PCDH15: variants seen among roughly 807,000 people sequenced by gnomAD.
The protein encoded by PCDH15 is protocadherin related 15.
A neutral mutation model predicts 178.5 loss-of-function variants in PCDH15; 129 were observed. That is an observed-to-expected ratio of 0.72 (90% CI 0.63 to 0.84). The LOEUF (loss-of-function observed/expected upper bound fraction) is 0.84, where lower values mean the gene tolerates loss of function less well. PCDH15 is among the 40% of genes least tolerant of loss of function. The pLI is 0.00. For synonymous variants in PCDH15, 800 were observed against 732.0 expected, an observed-to-expected ratio of 1.09 and a Z score of -1.50; for missense variants, 2,230 against 2,099.9, an observed-to-expected ratio of 1.06 and a Z score of -1.21.
intron 3 of PCDH15, 47 bp downstream of exon 3, chr10:54,527,765 G>A (rs1565510606): frequency 6.7e-7 from 1 of 1,487,574 alleles, no homozygotes. Flanking sequence ...AAAATCTGAA[G>A]AAAACCCTCT....
chr10:54,501,966 C>G (rs889612245), intron 3 of PCDH15, among the ~76,000 whole-genome samples: 1 of 151,842 alleles, frequency 6.6e-6, no homozygotes, highest in Non-Finnish European at 1.5e-5. Flanking sequence ...TGCTAGATTG[C>G]TCTTCTTAAT....
intron 1 of PCDH15, among the ~76,000 whole-genome samples, chr10:55,254,230 C>A (rs576235268): frequency 6.6e-6 from 1 of 152,074 alleles, no homozygotes; most frequent in South Asian, 2.1e-4. Context: ...CTTCCAATAC[C>A]AAGAAATTAT....
At chr10:54,920,870 G>C (rs1053930791) in intron 2 of PCDH15, among the ~76,000 whole-genome samples, 1 of 152,144 alleles carries the variant, frequency 6.6e-6, no homozygotes, top group Non-Finnish European at 1.5e-5. Context: ...TCTTGGCTTT[G>C]TAAATGTAAT....
intron 2 of PCDH15, among the ~76,000 whole-genome samples, chr10:55,037,217 T>C (rs991116737): frequency 1.3e-5 from 2 of 152,154 alleles, no homozygotes; most frequent in Admixed American, 1.3e-4. Flanking sequence ...TGTGGGTCAA[T>C]TGTTAATGAC....
intron 2 of PCDH15, among the ~76,000 whole-genome samples, chr10:55,025,794 T>C (rs1840462006): frequency 6.6e-6 from 1 of 152,062 alleles, no homozygotes; most frequent in South Asian, 2.1e-4. Flanking sequence ...ATGATGGTTT[T>C]GATATTTAGT....
intron 2 of PCDH15, among the ~76,000 whole-genome samples, chr10:54,912,298 A>T (rs1010549785): frequency 2.0e-5 from 3 of 151,904 alleles, no homozygotes; most frequent in Non-Finnish European, 1.5e-5. Context: ...TTCCTACCCA[A>T]ATCTCATGTT....
Position 54,519,317 on chromosome 10 carries a change from T to C in PCDH15, c.157+8495A>G, listed in dbSNP as rs1316880280. Among the ~76,000 whole-genome samples, 13 of 152,156 alleles carry C rather than the reference T, an allele frequency of 8.5e-5. No individual in the cohort carries two copies. In the East Asian group the frequency reaches 1.9e-3, roughly 23 times the overall value. Reference sequence around the variant, plus strand: ...TGATTGTATATTTAGAAAACCCCATTGTCTCAGCCCAAAATCTCCTTAAGC... The same window carrying C: ...TGATTGTATATTTAGAAAACCCCATCGTCTCAGCCCAAAATCTCCTTAAGC... On this transcript the variant is annotated intron_variant, in intron 3 of 37. Transcript: ENST00000644397.
chr10:54,664,115 C>T lies in PCDH15; in HGVS notation c.91+57G>A, dbSNP rs879731242. On this transcript the variant is annotated intron_variant, in intron 2 of 37. Coordinates refer to ENST00000644397, the MANE Select transcript of PCDH15 (RefSeq NM_001384140.1). ...ATTATTCATCTCTGTGGTATATTTT[C>T]AATGTAATAATAAAAATCCTGGCTC... is the stretch of plus-strand genomic sequence containing the variant. 38 of 1,256,344 alleles carry T rather than the reference C, an allele frequency of 3.0e-5. No individual in the cohort carries two copies. The East Asian group carries it at 3.3e-4, about 11-fold the overall frequency. 77.8% of individuals were successfully genotyped at this position (1,256,344 alleles called of 1,614,324 possible). A position where few individuals can be genotyped will look rare whatever the true frequency, so the allele number is the denominator to read the frequency against.
intron 6 of PCDH15, among the ~76,000 whole-genome samples, chr10:54,344,904 C>CAAAAAA (rs57295345): frequency 1.8e-3 from 142 of 78,816 alleles, no homozygotes; most frequent in East Asian, 9.2e-3. Context: ...AGAAACAAAG[C>CAAAAAA]AAAAAAAAAA....
intron 2 of PCDH15, among the ~76,000 whole-genome samples, chr10:54,930,376 C>T (rs371177380): frequency 3.3e-5 from 5 of 152,108 alleles, no homozygotes; most frequent in East Asian, 3.9e-4. Flanking sequence ...CCCTCTCTTT[C>T]GCAGGAGACA....
intron 18 of PCDH15, among the ~76,000 whole-genome samples, chr10:54,053,807 C>T (rs1227796559): frequency 2.6e-5 from 4 of 152,030 alleles, no homozygotes; most frequent in African/African-American, 9.7e-5. Flanking sequence ...AGACATAATT[C>T]CAGAATTTAC....
intron 8 of PCDH15, among the ~76,000 whole-genome samples, chr10:54,261,452 A>C (rs1352992099): frequency 6.6e-6 from 1 of 152,066 alleles, no homozygotes; most frequent in Non-Finnish European, 1.5e-5. Flanking sequence ...AGTTGTTAAT[A>C]GGCAAATTAC....
intron 1 of PCDH15, among the ~76,000 whole-genome samples, chr10:54,684,076 A>T (rs1426357315): frequency 6.6e-6 from 1 of 152,078 alleles, no homozygotes; most frequent in East Asian, 1.9e-4. Flanking sequence ...AATGGCAGAT[A>T]ATAATAAAAT....
intron 2 of PCDH15, among the ~76,000 whole-genome samples, chr10:55,392,767 T>C (rs534194418): frequency 4.1e-4 from 63 of 152,264 alleles, no homozygotes; most frequent in Non-Finnish European, 7.2e-4. Context: ...TTTTAGACTG[T>C]TTCATAGTAA....
intron 2 of PCDH15, among the ~76,000 whole-genome samples, chr10:55,346,419 G>A (rs1454474131): frequency 6.6e-6 from 1 of 152,082 alleles, no homozygotes; most frequent in African/African-American, 2.4e-5. Context: ...GATTTTCTTT[G>A]GAGGATCAGC....
At chr10:55,234,240 T>C (rs1841310056) in intron 1 of PCDH15, among the ~76,000 whole-genome samples, 1 of 152,142 alleles carries the variant, frequency 6.6e-6, no homozygotes, top group African/African-American at 2.4e-5. Context: ...AGTTGAAATC[T>C]AACTTTTCTT....
intron 3 of PCDH15, among the ~76,000 whole-genome samples, chr10:54,880,779 G>C (rs957037601): frequency 3.4e-5 from 5 of 148,740 alleles, no homozygotes; most frequent in African/African-American, 5.0e-5. Context: ...GTGCATACTA[G>C]ATTCTAGAAA....
intron 1 of PCDH15, among the ~76,000 whole-genome samples, chr10:55,243,972 T>C (rs552616503): frequency 6.6e-6 from 1 of 152,252 alleles, no homozygotes; most frequent in South Asian, 2.1e-4. Context: ...TAAAACTTTG[T>C]AGTCTTGGAT....
At chr10:54,504,512 A>G (rs913277033) in intron 3 of PCDH15, among the ~76,000 whole-genome samples, 1 of 152,082 alleles carries the variant, frequency 6.6e-6, no homozygotes, top group South Asian at 2.1e-4. Flanking sequence ...CTTTATTGTC[A>G]TCTTCACAAA....
Sources: gnomAD v4.1 joint callset for allele counts (sites outside exome capture counted in the v4.1 genomes callset) on GRCh38, gnomAD v4.1.1 for gene constraint, MANE v1.5 for transcripts, NCBI Gene and HGNC (gene_info 2026-07-23, HGNC 2026-07-21) for gene names.